The following SPIRE1 variants were observed in gnomAD, a reference collection of about 807,000 sequenced individuals.
SPIRE1 encodes the protein protein spire homolog 1.
In SPIRE1, 40 loss-of-function variants were observed where a neutral mutation model predicts 94.1. That is an observed-to-expected ratio of 0.43 (90% CI 0.33 to 0.55). SPIRE1 has a LOEUF of 0.55. SPIRE1 is among the 20% of genes least tolerant of loss of function. The probability of loss-of-function intolerance (pLI) is 0.06; values close to 1 mark genes in which losing one functional copy is unlikely to be tolerated. For synonymous variants in SPIRE1, 376 were observed against 371.7 expected (o/e 1.01, Z -0.13); for missense variants, 838 against 975.2 (o/e 0.86, Z 1.87).
chr18:12,462,537 A>G (rs2031908483), intron 12 of SPIRE1, among the ~76,000 whole-genome samples: 1 of 152,300 alleles, frequency 6.6e-6, no homozygotes, highest in Non-Finnish European at 1.5e-5. Context: ...TGTCCTGAGA[A>G]ATGAGCACCC....
intron 14 of SPIRE1, 30 bp from the exon 15 acceptor site, chr18:12,452,542 CATG>C (rs2031297627): frequency 6.2e-7 from 1 of 1,613,288 alleles, no homozygotes; most frequent in South Asian, 1.1e-5. Flanking sequence ...TGTTATTTGG[CATG>C]ATACCAGGGG....
At chr18:12,569,136 C>A (rs138857367) in intron 2 of SPIRE1, among the ~76,000 whole-genome samples, 7 of 152,054 alleles carry the variant, frequency 4.6e-5, no homozygotes, top group Non-Finnish European at 8.8e-5. Flanking sequence ...GTCAGGAGAT[C>A]GAGACCATCC....
intron 2 of SPIRE1, among the ~76,000 whole-genome samples, chr18:12,615,348 ATAT>A (rs2037269300): frequency 4.1e-5 from 3 of 72,438 alleles, no homozygotes; most frequent in Non-Finnish European, 5.5e-5. Flanking sequence ...AAAAAAAAAT[ATAT>A]ATATATATAT....
intron 6 of SPIRE1, among the ~76,000 whole-genome samples, chr18:12,502,850 G>A (rs1440170052): frequency 6.6e-6 from 1 of 152,146 alleles, no homozygotes; most frequent in African/African-American, 2.4e-5. Flanking sequence ...GCTCATGCTT[G>A]TAATCCCAGC....
intron 2 of SPIRE1, among the ~76,000 whole-genome samples, chr18:12,553,988 A>G (rs1309253675): frequency 3.3e-5 from 5 of 152,158 alleles, no homozygotes; most frequent in Non-Finnish European, 7.4e-5. Context: ...ACAAAATCAA[A>G]GACGTAAAAG....
At chr18:12,649,931 G>A (rs1026831656) in intron 1 of SPIRE1, among the ~76,000 whole-genome samples, 1 of 152,108 alleles carries the variant, frequency 6.6e-6, no homozygotes, top group African/African-American at 2.4e-5. Context: ...TATATTGCAT[G>A]GTAAATTGGA....
At chr18:12,496,860 C>T (rs544803138) in intron 6 of SPIRE1, among the ~76,000 whole-genome samples, 2 of 151,890 alleles carry the variant, frequency 1.3e-5, no homozygotes, top group African/African-American at 4.8e-5. Context: ...CAAAGCAAGA[C>T]TCCGTCTCAA....
intron 2 of SPIRE1, among the ~76,000 whole-genome samples, chr18:12,599,324 T>C (rs773380260): frequency 2.0e-5 from 3 of 152,150 alleles, no homozygotes; most frequent in Non-Finnish European, 4.4e-5. Context: ...GGCACAACCA[T>C]AGCTCACACA....
At chr18:12,643,529 AC>A (rs2038141817) in intron 1 of SPIRE1, among the ~76,000 whole-genome samples, 1 of 152,184 alleles carries the variant, frequency 6.6e-6, no homozygotes, top group Admixed American at 6.5e-5. Flanking sequence ...AACCTAGCCA[AC>A]AAGAGCCCTG....
intron 2 of SPIRE1, among the ~76,000 whole-genome samples, chr18:12,618,031 C>T (rs551409230): frequency 6.6e-6 from 1 of 152,238 alleles, no homozygotes; most frequent in African/African-American, 2.4e-5. Flanking sequence ...TCTTCATTTT[C>T]CTAAGAGCTC....
intron 1 of SPIRE1, among the ~76,000 whole-genome samples, chr18:12,635,700 A>G (rs375899170): frequency 2.9e-4 from 44 of 152,322 alleles, no homozygotes; most frequent in African/African-American, 1.0e-3. Flanking sequence ...TTTCTCCATC[A>G]CTGATACATA....
rs143672873 is a variant in SPIRE1, at chr18:12,651,575, G to A, written c.337+5955C>T. Among the ~76,000 whole-genome samples the A allele has an allele frequency of 9.2e-3, 1,400 of 152,252 alleles. 29 individuals are homozygous for A. Among genetic ancestry groups the A allele is most frequent in the African/African-American group, 0.033 (1,353 of 41,540 alleles). On this transcript the variant is annotated intron_variant, in intron 1 of 16. Coordinates refer to ENST00000409402, the MANE Select transcript of SPIRE1 (RefSeq NM_001128626.2). ...TGTAGTCCCAGCTACTCAGGAGGCT[G>A]AGGCAGGAGAATCGCTTGAACCCAG... is the stretch of plus-strand genomic sequence containing the variant.
At chr18:12,457,658 G>A (rs372057480) in intron 12 of SPIRE1, among the ~76,000 whole-genome samples, 1 of 151,584 alleles carries the variant, frequency 6.6e-6, no homozygotes, top group Admixed American at 6.6e-5. Flanking sequence ...TGTGCTATAA[G>A]ACTTTAAACT....
intron 10 of SPIRE1, among the ~76,000 whole-genome samples, chr18:12,476,570 T>A (rs201031292): frequency 0.22 from 15,325 of 69,816 alleles, 2,289 homozygotes; most frequent in East Asian, 0.37. Context: ...AAAAAATATA[T>A]ATATATATAT....
rs565614844 is a variant in SPIRE1 at position 12,547,739 on chromosome 18, C to T, written c.373-835G>A. On this transcript the variant is annotated intron_variant, in intron 2 of 16. Transcript: ENST00000409402. ...AGCAGATCACTTGAGGTCAGGAGTT[C>T]GAGATCAGCCTGGCCAACATGGCGA... is the stretch of plus-strand genomic sequence containing the variant. 4.6e-5 allele frequency among the ~76,000 whole-genome samples: 7 copies of T among 152,180 alleles called. No homozygotes were observed. The East Asian group carries it at 5.8e-4, about 13-fold the overall frequency.
chr18:12,465,631 A>C (rs913752807), intron 10 of SPIRE1, among the ~76,000 whole-genome samples: 25 of 152,228 alleles, frequency 1.6e-4, no homozygotes, highest in Non-Finnish European at 1.3e-4. Flanking sequence ...CATTTATACA[A>C]GTAATACATT....
chr18:12,525,427 C>CAAACCTGCTTGTGTT (rs1396203010), intron 4 of SPIRE1, among the ~76,000 whole-genome samples: 1 of 149,896 alleles, frequency 6.7e-6, no homozygotes, highest in Non-Finnish European at 1.5e-5. Flanking sequence ...ATAGAAAAAA[C>CAAACCTGCTTGTGTT]AAACCTGCTT....
At chr18:12,545,642 A>G (rs1467080374) in intron 3 of SPIRE1, among the ~76,000 whole-genome samples, 1 of 152,250 alleles carries the variant, frequency 6.6e-6, no homozygotes, top group Admixed American at 6.5e-5. Context: ...CTTCAAGTAC[A>G]TAGCAAAATT....
chr18:12,465,522 T>C (rs2032057227), intron 10 of SPIRE1, among the ~76,000 whole-genome samples: 1 of 152,158 alleles, frequency 6.6e-6, no homozygotes, highest in South Asian at 2.1e-4. Flanking sequence ...TCCATAGGGT[T>C]ATTGGAAAGA....
Sources: gnomAD v4.1 joint callset for allele counts (sites outside exome capture counted in the v4.1 genomes callset) on GRCh38, gnomAD v4.1.1 for gene constraint, MANE v1.5 for transcripts, NCBI Gene and HGNC (gene_info 2026-07-23, HGNC 2026-07-21) for gene names.